EMP1: variants seen among roughly 807,000 people sequenced by gnomAD.
EMP1 encodes tumor-associated membrane protein.
In EMP1, 5 loss-of-function variants were observed where a neutral mutation model predicts 15.7. The ratio of observed to expected loss-of-function variants is 0.32; its 90% CI spans 0.17 to 0.67. The LOEUF (loss-of-function observed/expected upper bound fraction) is 0.67. Ranked by LOEUF, EMP1 falls within the 30% of genes least tolerant of loss-of-function variation. The pLI is 0.74. For synonymous variants in EMP1, 78 were observed against 76.7 expected, an observed-to-expected ratio of 1.02 and a Z score of -0.09; for missense variants, 166 against 194.2, an observed-to-expected ratio of 0.85 and a Z score of 0.86.
At chr12:13,207,864 C>A (rs1864128538) in intron 1 of EMP1, among the ~76,000 whole-genome samples, 1 of 152,202 alleles carries the variant, frequency 6.6e-6, no homozygotes, top group South Asian at 2.1e-4. Flanking sequence ...TGGCCTAGGT[C>A]TGGGAGTCTA....
In EMP1 at chr12:13,213,685, C is replaced by T; in HGVS notation, c.180C>T (p.Ala60=). 1 of 1,614,128 alleles carries T rather than the reference C, an allele frequency of 6.2e-7. No individual in the cohort carries two copies. Among genetic ancestry groups the T allele is most frequent in the Non-Finnish European group, 8.5e-7 (1 of 1,180,000 alleles). The part of the protein sequence containing the change: ...SDSLSYASED[A]LKTVQAFMIL... The stretch of plus-strand genomic sequence containing the variant: ...CTCCTCGTCCTGTGTCTACAGATGC[C>T]CTCAAGACAGTGCAGGCCTTCATGA... The change falls in exon 4 of 5, where the codon GCC becomes GCT. Residue 60 remains alanine (A), a synonymous_variant. Transcript: ENST00000256951.
Position 13,216,981 on chromosome 12 carries a change from A to C in EMP1, c.*2290A>C, listed in dbSNP as rs1864221498. 6.5e-6 allele frequency: 1 copy of C among 152,796 alleles called. No homozygotes were observed. Among genetic ancestry groups the C allele is most frequent in the African/African-American group, 2.4e-5 (1 of 41,470 alleles). The allele number at this position is 152,796 out of a possible 1,614,324, so 9.5% of individuals were successfully genotyped here. A position where few individuals can be genotyped will look rare whatever the true frequency, so the allele number is the denominator to read the frequency against. ...TTAAGCATAGTTTTATCTTGCTTTG[A>C]TTAAACCTCTTAGGCAAAAAATGGA... On this transcript the variant is annotated 3_prime_UTR_variant, in exon 5 of 5. Transcript: ENST00000256951.
At chr12:13,203,706 A>G (rs769254504) in intron 1 of EMP1, among the ~76,000 whole-genome samples, 18 of 152,236 alleles carry the variant, frequency 1.2e-4, no homozygotes, top group Non-Finnish European at 2.4e-4. Context: ...TGTGAGGTCT[A>G]CAGGTCACAG....
rs572942803 is a variant in EMP1 at position 13,207,080 on chromosome 12, C to A, written c.-42-4389C>A. 3.9e-5 allele frequency among the ~76,000 whole-genome samples: 6 copies of A among 152,198 alleles called. No individual in the cohort carries two copies. The South Asian group carries it at 1.2e-3, about 32-fold the overall frequency. ...TCTCATATTAGTTAGTCCTTTAGAG[C>A]TATAGTCACGAGCAATTTTAATCCT... On this transcript the variant is annotated intron_variant, in intron 1 of 4. Coordinates refer to ENST00000256951, the MANE Select transcript of EMP1 (RefSeq NM_001423.3).
chr12:13,206,366 T>C (rs148800603), intron 1 of EMP1, among the ~76,000 whole-genome samples: 1 of 152,332 alleles, frequency 6.6e-6, no homozygotes, highest in African/African-American at 2.4e-5. Flanking sequence ...CCTTTCATTC[T>C]GGGAGAATCT....
intron 2 of EMP1, 23 bp from the exon 3 acceptor site, chr12:13,213,456 A>T (rs1864184292): frequency 1.2e-6 from 2 of 1,609,012 alleles, no homozygotes; most frequent in Non-Finnish European, 1.7e-6. Context: ...TTCAATTAAC[A>T]TTTTCTTTCC....
chr12:13,202,289 AC>A (rs1285362810), intron 1 of EMP1, among the ~76,000 whole-genome samples: 1 of 152,156 alleles, frequency 6.6e-6, no homozygotes, highest in African/African-American at 2.4e-5. Context: ...AGGATGGTTG[AC>A]ACCTCTTTGG....
intron 1 of EMP1, among the ~76,000 whole-genome samples, chr12:13,199,891 G>A (rs1032482421): frequency 3.3e-5 from 5 of 150,856 alleles, no homozygotes; most frequent in Non-Finnish European, 7.4e-5. Context: ...AACACTTAAC[G>A]CCTATTTAAT....
At position 13,214,659 on chromosome 12, in the gene EMP1, G is replaced by T; in HGVS notation, c.442G>T (p.Gly148Cys). 6.2e-7 allele frequency: 1 copy of T among 1,613,578 alleles called. No homozygotes were observed. Among genetic ancestry groups the T allele is most frequent in the South Asian group, 1.1e-5 (1 of 91,028 alleles). The change falls in exon 5 of 5, where the codon GGC becomes TGC. Residue 148 changes from glycine (G) to cysteine (C), a missense_variant. Physicochemically the swap from Gly to Cys is radical, Grantham distance 159. Coordinates refer to ENST00000256951, the MANE Select transcript of EMP1 (RefSeq NM_001423.3). ...CTGCTTCTGCTTCAGCTTCATCATC[G>T]GCGTTCTCTATCTGGTCCTGAGAAA... is the stretch of plus-strand genomic sequence containing the variant. ...WICFCFSFII[G>C]VLYLVLRKK is the part of the protein sequence containing the mutation.
intron 4 of EMP1, chr12:13,214,321 G>A: frequency 1.5e-6 from 1 of 656,856 alleles, no homozygotes; most frequent in South Asian, 2.0e-5. Context: ...ACACAAACCA[G>A]TGCAGACATG....
chr12:13,205,272 A>T (rs7295254), intron 1 of EMP1, among the ~76,000 whole-genome samples: 1 of 152,126 alleles, frequency 6.6e-6, no homozygotes, highest in African/African-American at 2.4e-5. Flanking sequence ...GAAATTTAAG[A>T]CATTTTCTTT....
chr12:13,217,877 C>G lies in EMP1; in HGVS notation c.*3186C>G, dbSNP rs576965590. ...TGACTCACATGATTTTGAAGGCAGG[C>G]AAGCCCAAAGTCTGCAAGGGGTGGG... On this transcript the variant is annotated 3_prime_UTR_variant, in exon 5 of 5. Coordinates refer to ENST00000256951, the MANE Select transcript of EMP1 (RefSeq NM_001423.3). 6.6e-6 allele frequency: 1 copy of G among 152,102 alleles called. No homozygotes were observed. The allele number at this position is 152,102 out of a possible 1,614,324, so 9.4% of individuals were successfully genotyped here.
At chr12:13,208,676 G>A (rs1259106374) in intron 1 of EMP1, among the ~76,000 whole-genome samples, 1 of 152,252 alleles carries the variant, frequency 6.6e-6, no homozygotes, top group East Asian at 1.9e-4. Flanking sequence ...AGAACTGTGT[G>A]TTTTGCACAA....
rs1419279059 is a variant in EMP1, at chr12:13,219,831, A to C, written c.*5140A>C. 1 of 152,230 alleles carries C rather than the reference A, an allele frequency of 6.6e-6. No individual in the cohort carries two copies. Among genetic ancestry groups the C allele is most frequent in the African/African-American group, 2.4e-5 (1 of 41,462 alleles). 9.4% of individuals were successfully genotyped at this position (152,230 alleles called of 1,614,324 possible). A position where few individuals can be genotyped will look rare whatever the true frequency, so the allele number is the denominator to read the frequency against. ...AAGTTGTTTGCTTGGAACTCAGAGT[A>C]TATTTTTCCATACGAAAAATTCAGA... On this transcript the variant is annotated 3_prime_UTR_variant, in exon 5 of 5. Coordinates refer to ENST00000256951, the MANE Select transcript of EMP1 (RefSeq NM_001423.3).
chr12:13,207,246 G>A (rs1760628912), intron 1 of EMP1, among the ~76,000 whole-genome samples: 1 of 152,004 alleles, frequency 6.6e-6, no homozygotes, highest in African/African-American at 2.4e-5. Flanking sequence ...CCAGTAGCTG[G>A]GACTACAGGT....
chr12:13,202,877 A>C (rs1864078268), intron 1 of EMP1, among the ~76,000 whole-genome samples: 1 of 152,196 alleles, frequency 6.6e-6, no homozygotes, highest in Non-Finnish European at 1.5e-5. Flanking sequence ...CTAAGCCAAG[A>C]GACAGGAGAG....
Position 13,216,225 on chromosome 12 carries a change from C to G in EMP1, c.*1534C>G. 1 of 594,216 alleles carries G rather than the reference C, an allele frequency of 1.7e-6. No individual in the cohort carries two copies. Among genetic ancestry groups the G allele is most frequent in the Non-Finnish European group, 3.0e-6 (1 of 336,558 alleles). 36.8% of individuals were successfully genotyped at this position (594,216 alleles called of 1,614,324 possible). Reference sequence around the variant, plus strand: ...GATCTACCCCAGGGAGAATCTGAGACATCTTGCCTACTTTTCTTTATTAGC... The same window carrying G: ...GATCTACCCCAGGGAGAATCTGAGAGATCTTGCCTACTTTTCTTTATTAGC... On this transcript the variant is annotated 3_prime_UTR_variant, in exon 5 of 5. Transcript: ENST00000256951.
intron 1 of EMP1, among the ~76,000 whole-genome samples, chr12:13,209,884 A>C (rs10845716): frequency 0.1 from 15,952 of 152,210 alleles, 1,138 homozygotes; most frequent in East Asian, 0.32. Flanking sequence ...TCTCCCCTGA[A>C]GAGGCAGGAT....
chr12:13,200,569 A>G (rs11834346), intron 1 of EMP1, among the ~76,000 whole-genome samples: 348 of 152,304 alleles, frequency 2.3e-3, no homozygotes, highest in African/African-American at 7.9e-3. Context: ...ATATGGTTCC[A>G]GTTAGGGGTT....
Sources: allele counts gnomAD v4.1 joint callset (sites outside exome capture counted in the v4.1 genomes callset), GRCh38; gene constraint gnomAD v4.1.1; transcripts MANE v1.5; gene names NCBI Gene and HGNC (gene_info 2026-07-23, HGNC 2026-07-21).